Variants in LDB2 observed in about 807,000 individuals in gnomAD.
LDB2 encodes the protein LIM domain binding 2.
In LDB2, 12 loss-of-function variants were observed where a neutral mutation model predicts 44.3. The ratio of observed to expected loss-of-function variants is 0.27; its 90% CI spans 0.17 to 0.44. The LOEUF is 0.44. LDB2 is among the 20% of genes least tolerant of loss of function. LDB2 has a pLI of 1.00. For synonymous variants in LDB2, 164 were observed against 174.8 expected (o/e 0.94, Z 0.49); for missense variants, 344 against 473.5 (o/e 0.73, Z 2.54).
In LDB2 at chr4:16,636,235, C is replaced by T. The variant is rs138584316; in HGVS notation, c.236-40360G>A. On this transcript the variant is annotated intron_variant, in intron 2 of 7. Transcript: ENST00000304523. The stretch of plus-strand genomic sequence containing the variant: ...TGGCCTGCTTAGGACCACACCACAA[C>T]GTCAGTGACAGAGCTGAGCTTCCAG... Among the ~76,000 whole-genome samples, 7 of 152,302 alleles carry T rather than the reference C, an allele frequency of 4.6e-5. No individual in the cohort carries two copies. In the East Asian group the frequency reaches 5.8e-4, roughly 13 times the overall value.
intron 2 of LDB2, among the ~76,000 whole-genome samples, chr4:16,723,365 AG>A (rs1758732315): frequency 6.6e-6 from 1 of 152,112 alleles, no homozygotes; most frequent in Non-Finnish European, 1.5e-5. Flanking sequence ...CAGGAGAGCA[AG>A]TGTGAGAGAG....
At chr4:16,884,933 GA>G (rs33947506) in intron 1 of LDB2, among the ~76,000 whole-genome samples, 3 of 151,928 alleles carry the variant, frequency 2.0e-5, no homozygotes, top group Admixed American at 1.3e-4. Flanking sequence ...ACTAAGTAAA[GA>G]AAAAAATTTG....
At chr4:16,612,067 A>C (rs2152466021) in intron 2 of LDB2, among the ~76,000 whole-genome samples, 1 of 152,310 alleles carries the variant, frequency 6.6e-6, no homozygotes, top group Middle Eastern at 3.4e-3. Context: ...AACTCAGTAA[A>C]AACCACACAA....
chr4:16,690,671 T>C (rs1224494158), intron 2 of LDB2, among the ~76,000 whole-genome samples: 2 of 152,194 alleles, frequency 1.3e-5, no homozygotes, highest in African/African-American at 4.8e-5. Context: ...TCTAAACCAA[T>C]GGACAACCCT....
chr4:16,668,788 G>A (rs1743989067), intron 2 of LDB2, among the ~76,000 whole-genome samples: 2 of 152,316 alleles, frequency 1.3e-5, no homozygotes, highest in South Asian at 2.1e-4. Flanking sequence ...TGCAAAGAGA[G>A]TCATTACAGC....
chr4:16,569,727 C>T (rs1392732056), intron 5 of LDB2, among the ~76,000 whole-genome samples: 2 of 152,150 alleles, frequency 1.3e-5, no homozygotes, highest in Non-Finnish European at 2.9e-5. Flanking sequence ...TCATTTGCAG[C>T]ATGGTATTTA....
chr4:16,764,824 C>G (rs149838721), intron 1 of LDB2, among the ~76,000 whole-genome samples: 6 of 152,172 alleles, frequency 3.9e-5, no homozygotes, highest in Admixed American at 1.3e-4. Flanking sequence ...AGCAAGACGG[C>G]CAGCAGGAGG....
rs754247564 is a variant in LDB2 at position 16,537,221 on chromosome 4, C to A, written c.616-25117G>T. The stretch of plus-strand genomic sequence containing the variant: ...CTTTTATTCTTTGTGACAAAGCAAG[C>A]AAACTATGGGAGAGTTTGACAGGGA... On this transcript the variant is annotated intron_variant, in intron 5 of 7. Transcript: ENST00000304523. Among the ~76,000 whole-genome samples the A allele has an allele frequency of 2.6e-4, 40 of 152,134 alleles. 1 individual carries two copies. Among genetic ancestry groups the A allele is most frequent in the Admixed American group, 1.3e-4 (2 of 15,268 alleles).
At chr4:16,708,349 A>AACAC (rs145560983) in intron 2 of LDB2, among the ~76,000 whole-genome samples, 1 of 151,832 alleles carries the variant, frequency 6.6e-6, no homozygotes, top group Non-Finnish European at 1.5e-5. Flanking sequence ...TGAAAATTAA[A>AACAC]ACACACACAC....
intron 3 of LDB2, among the ~76,000 whole-genome samples, chr4:16,589,269 A>C (rs1449211588): frequency 6.6e-6 from 1 of 152,196 alleles, no homozygotes; most frequent in South Asian, 2.1e-4. Flanking sequence ...GTTAAGTGTG[A>C]GTTACTACAA....
At chr4:16,826,345 G>C (rs2110012277) in intron 1 of LDB2, 1 of 152,276 alleles carries the variant, frequency 6.6e-6, no homozygotes, top group African/African-American at 2.4e-5. Flanking sequence ...ATTTATTTCA[G>C]TGTAAACAAA....
At chr4:16,885,413 G>A (rs1721379352) in intron 1 of LDB2, among the ~76,000 whole-genome samples, 1 of 152,136 alleles carries the variant, frequency 6.6e-6, no homozygotes, top group Non-Finnish European at 1.5e-5. Context: ...TGGTCACAGA[G>A]AATATCAGTT....
chr4:16,748,928 G>T (rs1026033822), intron 2 of LDB2, among the ~76,000 whole-genome samples: 5 of 152,292 alleles, frequency 3.3e-5, no homozygotes, highest in South Asian at 2.1e-4. Flanking sequence ...TGAAACAAAA[G>T]CTCGCTGGAT....
intron 2 of LDB2, among the ~76,000 whole-genome samples, chr4:16,739,728 ATG>A (rs1221598101): frequency 0.018 from 2,163 of 122,996 alleles, 402 homozygotes; most frequent in East Asian, 0.084. Context: ...ATATACATAT[ATG>A]TGTATATACA....
At chr4:16,813,877 CT>C (rs369397187) in intron 1 of LDB2, among the ~76,000 whole-genome samples, 5,435 of 143,678 alleles carry the variant, frequency 0.038, 121 homozygotes, top group South Asian at 0.12. Context: ...CTTTTCTTTT[CT>C]TTTTTTTTTT....
At chr4:16,548,162 C>T (rs1577582129) in intron 5 of LDB2, among the ~76,000 whole-genome samples, 1 of 152,018 alleles carries the variant, frequency 6.6e-6, no homozygotes, top group Non-Finnish European at 1.5e-5. Flanking sequence ...TCAAGGTTAG[C>T]GAGTCCTTGT....
chr4:16,873,180 G>GGAT (rs1480951696), intron 1 of LDB2, among the ~76,000 whole-genome samples: 1 of 152,104 alleles, frequency 6.6e-6, no homozygotes, highest in African/African-American at 2.4e-5. Context: ...TGGAGCCTTG[G>GGAT]GATGATAAGC....
At position 16,742,265 on chromosome 4, in the gene LDB2, C is replaced by T. The variant is rs926175019; in HGVS notation, c.235+16893G>A. ...TTTTGTGTTTTTATTAGAGACGGGG[C>T]TTCACCATGTTGGCCAGGATGGTCT... is the stretch of plus-strand genomic sequence containing the variant. On this transcript the variant is annotated intron_variant, in intron 2 of 7. Coordinates refer to ENST00000304523, the MANE Select transcript of LDB2 (RefSeq NM_001290.5). Among the ~76,000 whole-genome samples, 11 of 151,884 alleles carry T rather than the reference C, an allele frequency of 7.2e-5. 1 individual carries two copies. The highest frequency in any genetic ancestry group is 1.2e-4 in the Non-Finnish European group (8 of 67,962).
intron 1 of LDB2, among the ~76,000 whole-genome samples, chr4:16,821,007 G>A (rs1220373860): frequency 2.0e-5 from 3 of 152,060 alleles, no homozygotes; most frequent in Non-Finnish European, 2.9e-5. Flanking sequence ...TTTTTATTAT[G>A]AGTTGATAAT....
Sources: gnomAD v4.1 joint callset for allele counts (sites outside exome capture counted in the v4.1 genomes callset) on GRCh38, gnomAD v4.1.1 for gene constraint, MANE v1.5 for transcripts, NCBI Gene and HGNC (gene_info 2026-07-23, HGNC 2026-07-21) for gene names.